Variants in GTPBP10 observed in about 807,000 individuals in gnomAD.
GTPBP10 encodes GTP-binding protein 10.
GTPBP10 carries 38 observed loss-of-function variants against 44.8 expected under a neutral mutation model. The observed-to-expected ratio is 0.85, with a 90% confidence interval of 0.65 to 1.11. The LOEUF (loss-of-function observed/expected upper bound fraction) is 1.11. Ranked by LOEUF, GTPBP10 falls within the 50% of genes most tolerant of loss-of-function variation. The pLI, the probability that GTPBP10 is intolerant of heterozygous loss-of-function variation, is 0.00. For synonymous variants in GTPBP10, 152 were observed against 150.6 expected (o/e 1.01, Z -0.07); for missense variants, 462 against 453.7 (o/e 1.02, Z -0.17).
chr7:90,355,951 T>C (rs958818803), intron 4 of GTPBP10, among the ~76,000 whole-genome samples: 2 of 151,364 alleles, frequency 1.3e-5, no homozygotes, highest in African/African-American at 2.4e-5. Flanking sequence ...TTGCTCTCTC[T>C]CCCCCATCCC....
chr7:90,372,028 A>G, intron 4 of GTPBP10, 127 bp from the exon 5 acceptor site: 1 of 563,136 alleles, frequency 1.8e-6, no homozygotes, highest in East Asian at 2.9e-5. Context: ...AAGTTTTTCA[A>G]GATTATTTAT....
At chr7:90,350,355 A>G (rs991760193) in intron 1 of GTPBP10, among the ~76,000 whole-genome samples, 3 of 152,246 alleles carry the variant, frequency 2.0e-5, no homozygotes, top group African/African-American at 7.2e-5. Context: ...TAGTGCCACA[A>G]TAAACATACG....
In GTPBP10 at chr7:90,387,472, T is replaced by A. The variant is rs1310638763; in HGVS notation, c.*2318T>A. The A allele has an allele frequency of 1.3e-5, 2 of 152,042 alleles. No individual in the cohort carries two copies. Among genetic ancestry groups the A allele is most frequent in the African/African-American group, 4.8e-5 (2 of 41,390 alleles). The allele number at this position is 152,042 out of a possible 1,614,324, so 9.4% of individuals were successfully genotyped here. ...CCTTTGGTAAAGTATTAAAGAAAAA[T>A]AATGCATTGTTCTCAGCTTAAATTT... On this transcript the variant is annotated 3_prime_UTR_variant, in exon 10 of 10. Transcript: ENST00000222511.
At chr7:90,376,237 A>C (rs1447357831) in intron 6 of GTPBP10, among the ~76,000 whole-genome samples, 1 of 152,048 alleles carries the variant, frequency 6.6e-6, no homozygotes, top group East Asian at 1.9e-4. Flanking sequence ...TCTCTCAAAA[A>C]AAGAAAAGAA....
At position 90,372,230 on chromosome 7, in the gene GTPBP10, TA is replaced by T; in HGVS notation, c.538+4del. The T allele has an allele frequency of 6.4e-7, 1 of 1,574,294 alleles. No homozygotes were observed. Among genetic ancestry groups the T allele is most frequent in the Non-Finnish European group, 8.7e-7 (1 of 1,148,696 alleles). The stretch of plus-strand genomic sequence containing the variant: ...AACCTGCAATTGCAGATTACGCATG[TA>T]AGTGTAATTTGATTGTACATTTTAA... On this transcript the variant is annotated splice_donor_region_variant and intron_variant, in intron 5 of 9. Coordinates refer to ENST00000222511, the MANE Select transcript of GTPBP10 (RefSeq NM_033107.4).
intron 9 of GTPBP10, 144 bp from the exon 10 acceptor site, chr7:90,384,748 C>T: frequency 1.5e-6 from 1 of 663,234 alleles, no homozygotes. Context: ...AATCCAAAGG[C>T]TCTGAGAACT....
chr7:90,351,266 T>A (rs1584626237), intron 1 of GTPBP10, among the ~76,000 whole-genome samples: 1 of 152,360 alleles, frequency 6.6e-6, no homozygotes, highest in Middle Eastern at 3.4e-3. Flanking sequence ...GTGTAAGTTT[T>A]GATAAATTTT....
intron 2 of GTPBP10, among the ~76,000 whole-genome samples, chr7:90,353,591 T>C (rs979321212): frequency 3.3e-5 from 5 of 152,194 alleles, no homozygotes; most frequent in Non-Finnish European, 7.4e-5. Flanking sequence ...GATTTTTTTT[T>C]CCGATTATAA....
rs1372208289 is a variant in GTPBP10 at position 90,390,780 on chromosome 7, TA to T, written c.*5627del. On this transcript the variant is annotated 3_prime_UTR_variant, in exon 10 of 10. Coordinates refer to ENST00000222511, the MANE Select transcript of GTPBP10 (RefSeq NM_033107.4). ...TTTCTGATCGGTACTTTCATTTTTCTAGTTGGTTACCAAATACTGTTATTGG... is the reference window on the plus strand; with the variant it reads ...TTTCTGATCGGTACTTTCATTTTTCTGTTGGTTACCAAATACTGTTATTGG... 1.3e-5 allele frequency: 2 copies of T among 152,236 alleles called. No homozygotes were observed. The highest frequency in any genetic ancestry group is 3.8e-4 in the East Asian group (2 of 5,202). The allele number at this position is 152,236 out of a possible 1,614,324, so 9.4% of individuals were successfully genotyped here.
chr7:90,377,486 A>G (rs772804867), intron 6 of GTPBP10, 21 bp from the exon 7 acceptor site: 12 of 1,512,824 alleles, frequency 7.9e-6, no homozygotes, highest in Non-Finnish European at 1.1e-5. Flanking sequence ...CTTTTTCATT[A>G]ACCATTTAAC....
At chr7:90,350,884 C>G (rs1795778036) in intron 1 of GTPBP10, among the ~76,000 whole-genome samples, 2 of 152,108 alleles carry the variant, frequency 1.3e-5, no homozygotes, top group Admixed American at 1.3e-4. Context: ...GACTTTACTT[C>G]TTGGGAGCAC....
intron 4 of GTPBP10, among the ~76,000 whole-genome samples, chr7:90,362,165 T>C (rs56104803): frequency 2.6e-5 from 4 of 152,240 alleles, no homozygotes; most frequent in African/African-American, 4.8e-5. Flanking sequence ...TATTTCTTGC[T>C]TTCTGCTAGC....
chr7:90,380,750 C>T (rs1305654419), intron 8 of GTPBP10, among the ~76,000 whole-genome samples: 3 of 152,112 alleles, frequency 2.0e-5, no homozygotes, highest in Non-Finnish European at 4.4e-5. Context: ...GCTTATTCAT[C>T]CTATTTAATT....
At chr7:90,367,173 C>T (rs1023101488) in intron 4 of GTPBP10, among the ~76,000 whole-genome samples, 2 of 152,086 alleles carry the variant, frequency 1.3e-5, no homozygotes, top group Admixed American at 1.3e-4. Flanking sequence ...GTTTTCTGTT[C>T]TTTTGCATTT....
At position 90,352,996 on chromosome 7, in the gene GTPBP10, G is replaced by C; in HGVS notation, c.214G>C (p.Gly72Arg). The C allele has an allele frequency of 6.3e-7, 1 of 1,585,394 alleles. No individual in the cohort carries two copies. The change falls in exon 2 of 10, where the codon GGA becomes CGA. Residue 72 changes from glycine (G) to arginine (R), a missense_variant. Gly to Arg is a moderately radical substitution (Grantham distance 125). Coordinates refer to ENST00000222511, the MANE Select transcript of GTPBP10 (RefSeq NM_033107.4). Reference sequence around the variant, plus strand: ...TCGGAAACGGTTTGTGGCTGGAGTAGGAGCAAACAGCAAGTAAGTAATTAC... The same window carrying C: ...TCGGAAACGGTTTGTGGCTGGAGTACGAGCAAACAGCAAGTAAGTAATTAC... Reference protein sequence around the residue: ...YPRKRFVAGVGANSKISALKG... With the variant: ...YPRKRFVAGVRANSKISALKG...
At chr7:90,348,779 C>T (rs1277884119) in intron 1 of GTPBP10, among the ~76,000 whole-genome samples, 1 of 152,190 alleles carries the variant, frequency 6.6e-6, no homozygotes, top group Non-Finnish European at 1.5e-5. Context: ...ACCTCTTCCA[C>T]CATTTGCTTT....
intron 2 of GTPBP10, among the ~76,000 whole-genome samples, chr7:90,354,120 C>T (rs1023181508): frequency 5.9e-5 from 9 of 152,080 alleles, no homozygotes; most frequent in Non-Finnish European, 8.8e-5. Context: ...AGGCGTGAGC[C>T]ACCACGCCTG....
At chr7:90,363,169 C>T (rs1246636960) in intron 4 of GTPBP10, among the ~76,000 whole-genome samples, 1 of 152,118 alleles carries the variant, frequency 6.6e-6, no homozygotes, top group African/African-American at 2.4e-5. Context: ...GAATTTGGTC[C>T]TGTCATTATG....
At chr7:90,368,897 T>C (rs1474338007) in intron 4 of GTPBP10, among the ~76,000 whole-genome samples, 1 of 152,224 alleles carries the variant, frequency 6.6e-6, no homozygotes, top group Non-Finnish European at 1.5e-5. Context: ...ATTTTCAGCT[T>C]TTCTGCTCTG....
Sources: gnomAD v4.1 joint callset for allele counts (sites outside exome capture counted in the v4.1 genomes callset) on GRCh38, gnomAD v4.1.1 for gene constraint, MANE v1.5 for transcripts, NCBI Gene and HGNC (gene_info 2026-07-23, HGNC 2026-07-21) for gene names.